Variants in SP140L observed in about 807,000 individuals in gnomAD.
SP140L encodes the protein nuclear body protein SP140-like protein.
SP140L carries 64 observed loss-of-function variants against 84.3 expected under a neutral mutation model. That is an observed-to-expected ratio of 0.76 (90% CI 0.62 to 0.94). The LOEUF (loss-of-function observed/expected upper bound fraction) is 0.94. SP140L is among the 40% of genes least tolerant of loss of function. The probability of loss-of-function intolerance (pLI) is 0.00; values close to 1 mark genes in which losing one functional copy is unlikely to be tolerated. For missense variants in SP140L, 628 were observed against 692.5 expected (o/e 0.91, Z 1.05); for synonymous variants, 242 against 236.9 (o/e 1.02, Z -0.20).
At chr2:230,377,516 G>A (rs59543717) in intron 7 of SP140L, among the ~76,000 whole-genome samples, 30,958 of 152,042 alleles carry the variant, frequency 0.2, 3,643 homozygotes, top group South Asian at 0.44. Flanking sequence ...TTCTTTATAT[G>A]AATACATTAC....
intron 5 of SP140L, among the ~76,000 whole-genome samples, chr2:230,366,979 C>T (rs1490673455): frequency 6.6e-6 from 1 of 151,936 alleles, no homozygotes; most frequent in South Asian, 2.1e-4. Flanking sequence ...CTGTCCACCT[C>T]GGCCTCCCAA....
chr2:230,392,190 T>C lies in SP140L; in HGVS notation c.1068T>C (p.Ser356=), dbSNP rs570439132. 1 of 1,614,018 alleles carries C rather than the reference T, an allele frequency of 6.2e-7. No homozygotes were observed. The highest frequency in any genetic ancestry group is 2.2e-5 in the East Asian group (1 of 44,874). Residue 356 remains serine, a synonymous_variant, in exon 12 of 19, where the codon AGT becomes AGC. Coordinates refer to ENST00000415673, the MANE Select transcript of SP140L (RefSeq NM_138402.6). ...GYARSKNWRL[S]VRCGGWPLRR... ...CAAGATCAAAGAACTGGAGGCTGAG[T>C]GTGCGCTGTGGCGGGTGGCCCCTAC...
chr2:230,337,830 C>A (rs1165883382), intron 2 of SP140L, among the ~76,000 whole-genome samples: 1 of 152,074 alleles, frequency 6.6e-6, no homozygotes, highest in Admixed American at 6.5e-5. Flanking sequence ...TTTCTGAGGG[C>A]TCTGTTCTGT....
chr2:230,400,313 A>G, intron 15 of SP140L, 71 bp downstream of exon 15: 14 of 1,468,456 alleles, frequency 9.5e-6, no homozygotes, highest in Non-Finnish European at 1.3e-5. Flanking sequence ...ACTCTCCAGC[A>G]GAATGTCTGC....
intron 2 of SP140L, among the ~76,000 whole-genome samples, chr2:230,337,086 T>C (rs1218989555): frequency 6.6e-6 from 1 of 152,220 alleles, no homozygotes; most frequent in Non-Finnish European, 1.5e-5. Context: ...TCCACAATGG[T>C]TGAACTAGTT....
intron 4 of SP140L, among the ~76,000 whole-genome samples, chr2:230,359,985 AG>A (rs1450755652): frequency 6.6e-6 from 1 of 152,170 alleles, no homozygotes; most frequent in Non-Finnish European, 1.5e-5. Context: ...ACCAAACTAA[AG>A]TTTTGATTCT....
chr2:230,352,067 C>T (rs2060381890), intron 2 of SP140L, among the ~76,000 whole-genome samples: 1 of 152,012 alleles, frequency 6.6e-6, no homozygotes, highest in Non-Finnish European at 1.5e-5. Context: ...TATATATCTC[C>T]ATTTATTTAG....
intron 5 of SP140L, among the ~76,000 whole-genome samples, chr2:230,369,974 C>A (rs753663660): frequency 2.2e-4 from 33 of 148,478 alleles, no homozygotes; most frequent in South Asian, 6.2e-4. Flanking sequence ...GAGTTTCACC[C>A]TGTTGGCCAG....
At chr2:230,370,709 A>T (rs1345019535) in intron 5 of SP140L, among the ~76,000 whole-genome samples, 199 bp from the exon 6 acceptor site, 2 of 152,132 alleles carry the variant, frequency 1.3e-5, no homozygotes, top group Non-Finnish European at 2.9e-5. Context: ...AAAAAGGGAG[A>T]CTTAAAGGAA....
chr2:230,376,526 G>A (rs898339419), intron 7 of SP140L, among the ~76,000 whole-genome samples: 1 of 152,070 alleles, frequency 6.6e-6, no homozygotes. Flanking sequence ...TTAACCAGAG[G>A]TGAAATATTT....
intron 2 of SP140L, among the ~76,000 whole-genome samples, chr2:230,346,938 T>G (rs2060226007): frequency 6.6e-6 from 1 of 152,246 alleles, no homozygotes; most frequent in Admixed American, 6.5e-5. Context: ...TATTTTTTGC[T>G]GATTTTTTAT....
intron 18 of SP140L, 104 bp downstream of exon 18, chr2:230,401,911 G>A (rs141046703): frequency 0.28 from 346,621 of 1,246,462 alleles, 48,907 homozygotes; most frequent in Non-Finnish European, 0.3. Context: ...AAGCTTGCAC[G>A]AGCAAGGGTT....
rs1402982171 is a variant in SP140L at position 230,365,792 on chromosome 2, CT to C, written c.523+4099del. ...CTACAAACTCCTCTTCTTTGAACTG[CT>C]TTTGCTGTATCCCATCAGTTTTGTT... On this transcript the variant is annotated intron_variant, in intron 5 of 18. Transcript: ENST00000415673. Among the ~76,000 whole-genome samples the C allele has an allele frequency of 2.0e-5, 3 of 152,104 alleles. No individual in the cohort carries two copies. In the East Asian group the frequency reaches 5.8e-4, roughly 29 times the overall value.
chr2:230,383,125 A>AAT (rs1228088435), intron 7 of SP140L, among the ~76,000 whole-genome samples: 1 of 152,232 alleles, frequency 6.6e-6, no homozygotes, highest in Non-Finnish European at 1.5e-5. Context: ...TCCAGTACAG[A>AAT]ATATTATCCA....
At chr2:230,372,960 A>G (rs2061134662) in intron 7 of SP140L, among the ~76,000 whole-genome samples, 1 of 152,232 alleles carries the variant, frequency 6.6e-6, no homozygotes, top group Admixed American at 6.5e-5. Flanking sequence ...CTTATTGCTG[A>G]TGTGGAGAAA....
chr2:230,400,776 C>G (rs1446173188), intron 15 of SP140L, 179 bp from the exon 16 acceptor site: 17 of 1,412,206 alleles, frequency 1.2e-5, no homozygotes, highest in South Asian at 4.0e-5. Flanking sequence ...ACCACTGATG[C>G]GAGGGAAAGG....
At chr2:230,369,794 G>GTC (rs974662157) in intron 5 of SP140L, among the ~76,000 whole-genome samples, 8 of 152,136 alleles carry the variant, frequency 5.3e-5, no homozygotes, top group Admixed American at 4.6e-4. Flanking sequence ...TTGAGACTGA[G>GTC]TCTCTCTCTC....
intron 2 of SP140L, among the ~76,000 whole-genome samples, chr2:230,346,899 T>TA (rs757109220): frequency 6.6e-6 from 1 of 152,264 alleles, no homozygotes. Flanking sequence ...AGTCAGTTGT[T>TA]AGAGCTTATT....
chr2:230,337,419 A>C (rs1465836735), intron 2 of SP140L, among the ~76,000 whole-genome samples: 1 of 152,046 alleles, frequency 6.6e-6, no homozygotes, highest in Non-Finnish European at 1.5e-5. Context: ...AGTAGGTTGC[A>C]AAAATTTTCT....
Sources: gnomAD v4.1 joint callset for allele counts (sites outside exome capture counted in the v4.1 genomes callset) on GRCh38, gnomAD v4.1.1 for gene constraint, MANE v1.5 for transcripts, NCBI Gene and HGNC (gene_info 2026-07-23, HGNC 2026-07-21) for gene names.